Variants in PHACTR3 observed in about 807,000 individuals in gnomAD.
The protein encoded by PHACTR3 is protein phosphatase 1, regulatory subunit 123.
Under a neutral mutation model 66.8 loss-of-function variants are expected in PHACTR3, and 16 were observed. That is an observed-to-expected ratio of 0.24 (90% CI 0.16 to 0.36). The LOEUF (loss-of-function observed/expected upper bound fraction) is 0.36. Among genes scored for constraint, PHACTR3 ranks in the 10% least tolerant of loss-of-function variants. PHACTR3 has a pLI of 1.00. For missense variants in PHACTR3, 647 were observed against 719.9 expected (o/e 0.90, Z 1.16); for synonymous variants, 323 against 292.1 (o/e 1.11, Z -1.08).
At chr20:59,808,666 CCT>C (rs1365051288) in intron 8 of PHACTR3, among the ~76,000 whole-genome samples, 2 of 152,238 alleles carry the variant, frequency 1.3e-5, no homozygotes, top group African/African-American at 4.8e-5. Context: ...TCCCCAGGCC[CCT>C]GAGTCACTGG....
At chr20:59,787,469 A>C (rs1392191401) in intron 7 of PHACTR3, among the ~76,000 whole-genome samples, 1 of 152,244 alleles carries the variant, frequency 6.6e-6, no homozygotes, top group Non-Finnish European at 1.5e-5. Context: ...TGGAGAAGCC[A>C]GTAGGGGAGT....
chr20:59,800,937 T>A (rs1401593186), intron 7 of PHACTR3, among the ~76,000 whole-genome samples: 1 of 152,208 alleles, frequency 6.6e-6, no homozygotes, highest in Admixed American at 6.5e-5. Context: ...CTCTATTCAA[T>A]GTCTGTACAC....
At chr20:59,711,630 T>A (rs988490979) in intron 1 of PHACTR3, among the ~76,000 whole-genome samples, 1 of 152,200 alleles carries the variant, frequency 6.6e-6, no homozygotes, top group Admixed American at 6.5e-5. Flanking sequence ...AAAACACTTA[T>A]GTTAGCCTAC....
chr20:59,727,713 G>A (rs1253439237), intron 1 of PHACTR3, among the ~76,000 whole-genome samples: 1 of 152,162 alleles, frequency 6.6e-6, no homozygotes, highest in Non-Finnish European at 1.5e-5. Context: ...AGTCTGAAAT[G>A]CTCTGAAATT....
At chr20:59,642,278 G>T (rs1322330495) in intron 1 of PHACTR3, among the ~76,000 whole-genome samples, 5 of 151,818 alleles carry the variant, frequency 3.3e-5, no homozygotes, top group African/African-American at 1.2e-4. Context: ...TTATTTGCTT[G>T]CTTGGTTGGT....
intron 1 of PHACTR3, among the ~76,000 whole-genome samples, chr20:59,630,307 C>T (rs1000420337): frequency 2.6e-5 from 4 of 152,008 alleles, no homozygotes; most frequent in Admixed American, 6.6e-5. Flanking sequence ...CTCAGCCTCC[C>T]GAGTAGCTGG....
At position 59,847,105 on chromosome 20, in the gene PHACTR3, T is replaced by C; in HGVS notation, c.1665-10T>C. On this transcript the variant is annotated splice_polypyrimidine_tract_variant and intron_variant, in intron 12 of 12. Transcript: ENST00000371015. Reference sequence around the variant, plus strand: ...AACCTTAAATTCTTTGTCTTTTTTATAATCTCTAGATTCCACAGGCCATAG... The same window carrying C: ...AACCTTAAATTCTTTGTCTTTTTTACAATCTCTAGATTCCACAGGCCATAG... 6.6e-7 allele frequency: 1 copy of C among 1,513,184 alleles called. No homozygotes were observed. The allele number at this position is 1,513,184 out of a possible 1,614,324, so 93.7% of individuals were successfully genotyped here.
At chr20:59,793,748 A>G (rs1309780104) in intron 7 of PHACTR3, among the ~76,000 whole-genome samples, 2 of 151,418 alleles carry the variant, frequency 1.3e-5, no homozygotes, top group African/African-American at 4.8e-5. Context: ...TTCCTTTCTA[A>G]TTTGGATGCC....
At chr20:59,636,981 C>T (rs886655166) in intron 1 of PHACTR3, among the ~76,000 whole-genome samples, 2 of 152,198 alleles carry the variant, frequency 1.3e-5, no homozygotes, top group Non-Finnish European at 2.9e-5. Context: ...AGGCTGTTAT[C>T]TCACCAACAC....
rs141849199 is a variant in PHACTR3 at position 59,781,610 on chromosome 20, G to A, written c.1174+7120G>A. Among the ~76,000 whole-genome samples, 407 of 152,130 alleles carry A rather than the reference G, an allele frequency of 2.7e-3. 1 individual carries two copies. The highest frequency in any genetic ancestry group is 9.4e-3 in the African/African-American group (388 of 41,468). On this transcript the variant is annotated intron_variant, in intron 7 of 12. Coordinates refer to ENST00000371015, the MANE Select transcript of PHACTR3 (RefSeq NM_080672.5). ...GGTTTTCTGAGGGTGTGTCCCAGCG[G>A]CAAAAGAAAAAAATCTGATATTTGT...
rs961127864 is a variant in PHACTR3, at chr20:59,738,869, C to A, written c.119-4238C>A. 1.3e-5 allele frequency among the ~76,000 whole-genome samples: 2 copies of A among 152,154 alleles called. No homozygotes were observed. Among genetic ancestry groups the A allele is most frequent in the African/African-American group, 4.8e-5 (2 of 41,436 alleles). ...ATCTTCGTCTTCATCTTCAGCTGAG[C>A]TTGGAGGCTTGGGGAGACCTAGCCC... On this transcript the variant is annotated intron_variant, in intron 1 of 12. Transcript: ENST00000371015. The surrounding 1 kb of genome is among the most constrained non-coding windows in gnomAD (Gnocchi z 4.4).
intron 1 of PHACTR3, among the ~76,000 whole-genome samples, chr20:59,651,837 G>A (rs1309208764): frequency 8.1e-6 from 1 of 123,426 alleles, no homozygotes; most frequent in Non-Finnish European, 1.6e-5. Context: ...TGGTAGGTAG[G>A]TAGGTAGGTA....
At chr20:59,654,897 A>ATGTGTG (rs371212857) in intron 1 of PHACTR3, among the ~76,000 whole-genome samples, 1 of 151,434 alleles carries the variant, frequency 6.6e-6, no homozygotes, top group African/African-American at 2.4e-5. Context: ...CAGTGTGTGT[A>ATGTGTG]TGTGTGTGTG....
intron 1 of PHACTR3, among the ~76,000 whole-genome samples, chr20:59,725,186 C>T (rs554349593): frequency 2.6e-5 from 4 of 152,122 alleles, no homozygotes; most frequent in Non-Finnish European, 5.9e-5. Flanking sequence ...GCTGTGAACC[C>T]AGGTGTGCTG....
Position 59,841,436 on chromosome 20 carries a change from A to C in PHACTR3, c.1488A>C (p.Lys496Asn). The change falls in exon 11 of 13, where the codon AAA (lysine) becomes AAC (asparagine). Residue 496 changes from lysine (K) to asparagine (N), a missense_variant. Around this residue, in one of 2 missense-constraint regions of PHACTR3, gnomAD observed 70 missense variants for 148.8 expected, o/e 0.47. Coordinates refer to ENST00000371015, the MANE Select transcript of PHACTR3 (RefSeq NM_080672.5). ...RPTVDELRDRKILIRFSDYVE... is the reference protein window; with the variant it reads ...RPTVDELRDRNILIRFSDYVE... Reference sequence around the variant, plus strand: ...CTGTTGATGAATTAAGAGACAGAAAAATTCTGATACGATTCAGTGATTACG... The same window carrying C: ...CTGTTGATGAATTAAGAGACAGAAACATTCTGATACGATTCAGTGATTACG... 1 of 1,613,592 alleles carries C rather than the reference A, an allele frequency of 6.2e-7. No homozygotes were observed. Among genetic ancestry groups the C allele is most frequent in the Non-Finnish European group, 8.5e-7 (1 of 1,179,666 alleles).
chr20:59,802,325 G>T (rs989894452), intron 7 of PHACTR3, among the ~76,000 whole-genome samples: 1 of 152,156 alleles, frequency 6.6e-6, no homozygotes, highest in Non-Finnish European at 1.5e-5. Flanking sequence ...ATTGGGTCCT[G>T]GGCACATCCA....
rs145994152 is a variant in PHACTR3 at position 59,845,469 on chromosome 20, A to G, written c.1664+204A>G. ...TAGGACTTGGTGAAAGGTGATATGTATGGTAACAATATCGGTTTATTTAAG... is the reference window on the plus strand; with the variant it reads ...TAGGACTTGGTGAAAGGTGATATGTGTGGTAACAATATCGGTTTATTTAAG... On this transcript the variant is annotated intron_variant, in intron 12 of 12. Coordinates refer to ENST00000371015, the MANE Select transcript of PHACTR3 (RefSeq NM_080672.5). Among the ~76,000 whole-genome samples the G allele has an allele frequency of 1.1e-4, 16 of 152,260 alleles. No homozygotes were observed. In the East Asian group the frequency reaches 1.7e-3, roughly 17 times the overall value.
Position 59,841,580 on chromosome 20 carries a change from A to G in PHACTR3, c.1587+45A>G, listed in dbSNP as rs75502295. On this transcript the variant is annotated intron_variant, in intron 11 of 12. Coordinates refer to ENST00000371015, the MANE Select transcript of PHACTR3 (RefSeq NM_080672.5). ...GGTGGGGGGTGTTGGATGATATAAT[A>G]AAGGCAAAATATGTCATGCCAGGGA... 2.6e-3 allele frequency: 4,177 copies of G among 1,578,450 alleles called. 108 individuals are homozygous for G. In the African/African-American group the frequency reaches 0.05, roughly 19 times the overall value.
intron 9 of PHACTR3, among the ~76,000 whole-genome samples, chr20:59,838,213 G>A (rs1394506231): frequency 1.3e-5 from 2 of 152,084 alleles, no homozygotes; most frequent in African/African-American, 4.8e-5. Context: ...TTTGTGGTGG[G>A]TGTTTGGTTT....
Sources: allele counts gnomAD v4.1 joint callset (sites outside exome capture counted in the v4.1 genomes callset), GRCh38; gene constraint gnomAD v4.1.1; regional missense constraint gnomAD v4.1.1; non-coding constraint Gnocchi (gnomAD v3.1); transcripts MANE v1.5; gene names NCBI Gene and HGNC (gene_info 2026-07-23, HGNC 2026-07-21).